The following SGCZ variants were observed in gnomAD, a reference collection of about 807,000 sequenced individuals.
SGCZ encodes sarcoglycan zeta.
In SGCZ, 40 loss-of-function variants were observed where a neutral mutation model predicts 41.3. That is an observed-to-expected ratio of 0.97 (90% confidence interval 0.75 to 1.26). SGCZ has a LOEUF of 1.26. Among genes scored for constraint, SGCZ ranks in the 50% most tolerant of loss-of-function variants. The probability of loss-of-function intolerance (pLI) is 0.00; values close to 1 mark genes in which losing one functional copy is unlikely to be tolerated. For missense variants in SGCZ, 552 were observed against 369.8 expected (o/e 1.49, Z -4.04); for synonymous variants, 206 against 137.5 (o/e 1.50, Z -3.49).
rs151267742 is a variant in SGCZ at position 14,847,183 on chromosome 8, GAA to G, written c.40-292259_40-292258del. Among the ~76,000 whole-genome samples the G allele has an allele frequency of 1.8e-3, 255 of 142,242 alleles. 1 individual carries two copies. Among genetic ancestry groups the G allele is most frequent in the African/African-American group, 6.7e-3 (239 of 35,754 alleles). The allele number at this position is 142,242 out of a possible 152,430, so 93.3% of individuals were successfully genotyped here. ...AGAAGAAGAAGAAGAAGAAGAAGAA[GAA>G]GAGAAAAATACCAATTCTACAAAAA... On this transcript the variant is annotated intron_variant, in intron 1 of 7. Transcript: ENST00000382080.
At chr8:15,228,350 A>C (rs1801840968) in intron 1 of SGCZ, among the ~76,000 whole-genome samples, 1 of 152,182 alleles carries the variant, frequency 6.6e-6, no homozygotes, top group Admixed American at 6.5e-5. Context: ...AATAATGAGG[A>C]GCTTTATCAT....
intron 2 of SGCZ, among the ~76,000 whole-genome samples, chr8:14,437,322 T>C (rs1800121885): frequency 6.6e-6 from 1 of 152,176 alleles, no homozygotes; most frequent in Non-Finnish European, 1.5e-5. Context: ...AATTACCACT[T>C]GTCAAGTTTT....
At chr8:14,761,588 G>C (rs1239631998) in intron 1 of SGCZ, among the ~76,000 whole-genome samples, 1 of 149,714 alleles carries the variant, frequency 6.7e-6, no homozygotes, top group Non-Finnish European at 1.5e-5. Context: ...CTGGAGTGCA[G>C]CAGCGTGGCT....
chr8:14,764,172 A>C (rs1363404399), intron 1 of SGCZ, among the ~76,000 whole-genome samples: 1 of 152,242 alleles, frequency 6.6e-6, no homozygotes. Context: ...AAAGAGACTG[A>C]GATTTTTGTA....
chr8:14,991,612 A>G (rs1306236555), intron 1 of SGCZ, among the ~76,000 whole-genome samples: 1 of 152,046 alleles, frequency 6.6e-6, no homozygotes, highest in African/African-American at 2.4e-5. Context: ...TCTACTCCCC[A>G]TATCTGGTCA....
chr8:14,705,901 C>T (rs1585197061), intron 1 of SGCZ, among the ~76,000 whole-genome samples: 1 of 152,130 alleles, frequency 6.6e-6, no homozygotes, highest in African/African-American at 2.4e-5. Flanking sequence ...AGTCTCTCTT[C>T]CCCACCAGGA....
At chr8:14,159,803 G>C (rs1460979297) in intron 5 of SGCZ, among the ~76,000 whole-genome samples, 3 of 152,140 alleles carry the variant, frequency 2.0e-5, no homozygotes, top group Non-Finnish European at 4.4e-5. Context: ...GTCCAAAGCT[G>C]ACCCCATCGC....
At chr8:15,170,497 A>G (rs529517475) in intron 1 of SGCZ, among the ~76,000 whole-genome samples, 14 of 152,320 alleles carry the variant, frequency 9.2e-5, no homozygotes, top group African/African-American at 3.4e-4. Flanking sequence ...TTCTGTGACC[A>G]TAACTAAAAT....
intron 3 of SGCZ, among the ~76,000 whole-genome samples, chr8:14,286,129 T>C (rs911457523): frequency 2.0e-5 from 3 of 152,118 alleles, no homozygotes; most frequent in East Asian, 1.9e-4. Context: ...TTAAAGCTTA[T>C]GCACAAGTCT....
intron 2 of SGCZ, among the ~76,000 whole-genome samples, chr8:14,407,418 C>A (rs1485817122): frequency 6.6e-6 from 1 of 152,034 alleles, no homozygotes; most frequent in Non-Finnish European, 1.5e-5. Context: ...AAGGTGGTTG[C>A]TAAACATCAT....
chr8:14,926,754 C>A (rs1365293376), intron 1 of SGCZ, among the ~76,000 whole-genome samples: 7 of 152,058 alleles, frequency 4.6e-5, no homozygotes, highest in Admixed American at 4.6e-4. Context: ...GATTCTCCTG[C>A]CTCAGCCTCC....
At chr8:14,742,981 C>T (rs1028612313) in intron 1 of SGCZ, among the ~76,000 whole-genome samples, 3 of 152,010 alleles carry the variant, frequency 2.0e-5, no homozygotes, top group African/African-American at 7.2e-5. Context: ...ATGTTTGTAC[C>T]ATGAGCATTT....
chr8:15,074,194 C>T (rs115240768), intron 1 of SGCZ, among the ~76,000 whole-genome samples: 4 of 152,080 alleles, frequency 2.6e-5, no homozygotes, highest in African/African-American at 9.7e-5. Context: ...TTCCTCTCCC[C>T]CTTCTCATAA....
chr8:14,218,092 T>G (rs1268755444), intron 4 of SGCZ, among the ~76,000 whole-genome samples: 1 of 152,156 alleles, frequency 6.6e-6, no homozygotes, highest in Admixed American at 6.5e-5. Flanking sequence ...ACTTGACCAC[T>G]CTACTTAACT....
intron 1 of SGCZ, among the ~76,000 whole-genome samples, chr8:14,714,582 T>C (rs143178850): frequency 6.6e-6 from 1 of 152,310 alleles, no homozygotes; most frequent in African/African-American, 2.4e-5. Context: ...AATAATAATG[T>C]CAAGTTTTCA....
intron 1 of SGCZ, among the ~76,000 whole-genome samples, chr8:15,099,623 C>T (rs1325672027): frequency 6.6e-6 from 1 of 152,094 alleles, no homozygotes; most frequent in Non-Finnish European, 1.5e-5. Flanking sequence ...TCTATGAGGC[C>T]AGCATTACCC....
intron 1 of SGCZ, among the ~76,000 whole-genome samples, chr8:14,777,655 T>C (rs1291836929): frequency 6.6e-6 from 1 of 152,112 alleles, no homozygotes; most frequent in Non-Finnish European, 1.5e-5. Flanking sequence ...AAATGTACAT[T>C]GAAGTATTTA....
At chr8:14,644,845 T>G (rs1369071189) in intron 1 of SGCZ, among the ~76,000 whole-genome samples, 2 of 151,624 alleles carry the variant, frequency 1.3e-5, no homozygotes, top group African/African-American at 4.8e-5. Flanking sequence ...TATGGGGAAA[T>G]TAGTCAAACA....
intron 1 of SGCZ, among the ~76,000 whole-genome samples, chr8:14,739,500 TTCTG>T (rs1799138427): frequency 6.6e-6 from 1 of 152,086 alleles, no homozygotes; most frequent in Non-Finnish European, 1.5e-5. Flanking sequence ...AGTTTACATA[TTCTG>T]TCTCTCTTTT....
Sources: gnomAD v4.1 joint callset for allele counts (sites outside exome capture counted in the v4.1 genomes callset) on GRCh38, gnomAD v4.1.1 for gene constraint, MANE v1.5 for transcripts, NCBI Gene and HGNC (gene_info 2026-07-23, HGNC 2026-07-21) for gene names.